SNTG2: variants seen among roughly 807,000 people sequenced by gnomAD.
The protein encoded by SNTG2 is gamma-2-syntrophin.
In SNTG2, 74 loss-of-function variants were observed where a neutral mutation model predicts 70.9. That is an observed-to-expected ratio of 1.04 (90% CI 0.86 to 1.27). The LOEUF is 1.27. Among genes scored for constraint, SNTG2 ranks in the 50% most tolerant of loss-of-function variants. The probability of loss-of-function intolerance (pLI) is 0.00; values close to 1 mark genes in which losing one functional copy is unlikely to be tolerated. For missense variants in SNTG2, 717 were observed against 690.7 expected, an observed-to-expected ratio of 1.04 and a Z score of -0.43; for synonymous variants, 278 against 273.8, an observed-to-expected ratio of 1.02 and a Z score of -0.15.
chr2:1,361,743 CTTCCATGAAGGTCACCGAT>C (rs1661164322), intron 16 of SNTG2, among the ~76,000 whole-genome samples: 2 of 55,034 alleles, frequency 3.6e-5, no homozygotes, highest in South Asian at 5.6e-4. Context: ...TTCAGTAGAA[CTTCCATGAAGGTCACCGAT>C]GCTGAGCATT....
intron 2 of SNTG2, among the ~76,000 whole-genome samples, chr2:1,084,569 C>T (rs1664557589): frequency 1.3e-5 from 2 of 152,216 alleles, no homozygotes; most frequent in Non-Finnish European, 2.9e-5. Flanking sequence ...ACCCCAGCCC[C>T]AGAACCACAT....
At chr2:1,109,343 G>A (rs75888629) in intron 4 of SNTG2, among the ~76,000 whole-genome samples, 1,783 of 152,172 alleles carry the variant, frequency 0.012, 29 homozygotes, top group African/African-American at 0.038. Context: ...CCGAAGCCAG[G>A]CTCCATATAA....
intron 1 of SNTG2, among the ~76,000 whole-genome samples, chr2:1,017,718 T>C (rs1428563532): frequency 6.6e-6 from 1 of 152,222 alleles, no homozygotes; most frequent in African/African-American, 2.4e-5. Flanking sequence ...TACCGTATCT[T>C]CTTTTAATTT....
At chr2:1,047,718 C>T (rs557822975) in intron 1 of SNTG2, among the ~76,000 whole-genome samples, 3 of 152,306 alleles carry the variant, frequency 2.0e-5, no homozygotes, top group Non-Finnish European at 2.9e-5. Flanking sequence ...TGCTCAGCCA[C>T]GTGGTTCCTT....
intron 1 of SNTG2, among the ~76,000 whole-genome samples, chr2:1,062,682 T>C (rs1175763871): frequency 6.6e-6 from 1 of 152,244 alleles, no homozygotes; most frequent in African/African-American, 2.4e-5. Context: ...TTAAGCATGA[T>C]TTTAAGTTGA....
chr2:1,193,378 A>T (rs1672718315), intron 8 of SNTG2, among the ~76,000 whole-genome samples: 1 of 152,154 alleles, frequency 6.6e-6, no homozygotes, highest in South Asian at 2.1e-4. Flanking sequence ...GATGAAAAGG[A>T]TTGGAAAGCG....
intron 8 of SNTG2, among the ~76,000 whole-genome samples, chr2:1,208,268 A>G (rs571011703): frequency 1.3e-5 from 1 of 74,694 alleles, no homozygotes; most frequent in Non-Finnish European, 2.7e-5. Context: ...AGGCACGCCC[A>G]TGAGTGTGGG....
chr2:1,221,473 GTCTCTC>G (rs1332003324), intron 9 of SNTG2, among the ~76,000 whole-genome samples: 2 of 8,652 alleles, frequency 2.3e-4, no homozygotes, highest in African/African-American at 9.9e-4. Context: ...CTGTCTCTCT[GTCTCTC>G]TCTCTCTCTG....
At chr2:987,640 C>G (rs1052922756) in intron 1 of SNTG2, among the ~76,000 whole-genome samples, 1 of 151,812 alleles carries the variant, frequency 6.6e-6, no homozygotes, top group Non-Finnish European at 1.5e-5. Context: ...TCAGGACTTC[C>G]GAGTTCCAGA....
At chr2:991,652 G>A (rs558306508) in intron 1 of SNTG2, among the ~76,000 whole-genome samples, 35 of 152,224 alleles carry the variant, frequency 2.3e-4, no homozygotes, top group South Asian at 2.1e-3. Flanking sequence ...GGAAAATGGC[G>A]AAGACAACAC....
intron 4 of SNTG2, among the ~76,000 whole-genome samples, chr2:1,106,384 A>G (rs1327858732): frequency 8.2e-6 from 1 of 122,680 alleles, no homozygotes; most frequent in East Asian, 2.3e-4. Flanking sequence ...GTAATAGTGG[A>G]TGCGTGCTGT....
chr2:1,059,527 A>AT (rs1204863167), intron 1 of SNTG2, among the ~76,000 whole-genome samples: 1 of 152,168 alleles, frequency 6.6e-6, no homozygotes, highest in East Asian at 1.9e-4. Context: ...GGATTTGAAC[A>AT]TTTTTTGGAA....
At chr2:957,639 A>C (rs745837110) in intron 1 of SNTG2, among the ~76,000 whole-genome samples, 1 of 152,108 alleles carries the variant, frequency 6.6e-6, no homozygotes, top group Non-Finnish European at 1.5e-5. Flanking sequence ...CAGGGCAGCT[A>C]CAATGTGTTC....
chr2:1,142,852 A>G (rs1438609662), intron 6 of SNTG2, among the ~76,000 whole-genome samples: 1 of 152,228 alleles, frequency 6.6e-6, no homozygotes, highest in East Asian at 1.9e-4. Context: ...CCCATGCACA[A>G]TCAAAAGTTC....
At chr2:1,015,334 A>C (rs541527124) in intron 1 of SNTG2, among the ~76,000 whole-genome samples, 1 of 152,336 alleles carries the variant, frequency 6.6e-6, no homozygotes, top group South Asian at 2.1e-4. Context: ...TAATCAGATT[A>C]AAAATTTGGC....
At chr2:1,082,431 A>T (rs530667984) in intron 1 of SNTG2, among the ~76,000 whole-genome samples, 3 of 152,118 alleles carry the variant, frequency 2.0e-5, no homozygotes, top group Non-Finnish European at 4.4e-5. Flanking sequence ...GCAGGGTCCT[A>T]TGTGGCCACA....
chr2:955,716 G>T (rs180916357), intron 1 of SNTG2, among the ~76,000 whole-genome samples: 3 of 152,206 alleles, frequency 2.0e-5, no homozygotes, highest in East Asian at 3.8e-4. Context: ...GTTTCTGTTC[G>T]TTGAGCGGGT....
chr2:997,917 C>G (rs1227637469), intron 1 of SNTG2, among the ~76,000 whole-genome samples: 2 of 152,194 alleles, frequency 1.3e-5, no homozygotes, highest in African/African-American at 4.8e-5. Context: ...CACAAGCGAA[C>G]AGCACAAAGA....
intron 1 of SNTG2, among the ~76,000 whole-genome samples, chr2:972,473 ACAAG>A (rs1006796897): frequency 2.9e-4 from 44 of 152,150 alleles, no homozygotes; most frequent in African/African-American, 8.2e-4. Context: ...TACACATCTA[ACAAG>A]CAAACAGAAA....
Sources: gnomAD v4.1 joint callset for allele counts (sites outside exome capture counted in the v4.1 genomes callset) on GRCh38, gnomAD v4.1.1 for gene constraint, MANE v1.5 for transcripts, NCBI Gene and HGNC (gene_info 2026-07-23, HGNC 2026-07-21) for gene names.